CCNY: variants seen among roughly 807,000 people sequenced by gnomAD.
CCNY encodes the protein cyclin-Y.
CCNY carries 19 observed loss-of-function variants against 42.8 expected under a neutral mutation model. The ratio of observed to expected loss-of-function variants is 0.44; its 90% CI spans 0.31 to 0.65. CCNY has a LOEUF of 0.65. Among genes scored for constraint, CCNY ranks in the 30% least tolerant of loss-of-function variants. The pLI is 0.07. For synonymous variants in CCNY, 165 were observed against 162.7 expected, an observed-to-expected ratio of 1.01 and a Z score of -0.11; for missense variants, 370 against 437.3, an observed-to-expected ratio of 0.85 and a Z score of 1.37.
intron 1 of CCNY, among the ~76,000 whole-genome samples, chr10:35,374,559 A>G (rs1359294166): frequency 6.6e-6 from 1 of 152,128 alleles, no homozygotes; most frequent in African/African-American, 2.4e-5. Context: ...CAACCAATAT[A>G]TTGTATGGAG....
chr10:35,495,856 T>C (rs1391592827), intron 2 of CCNY, among the ~76,000 whole-genome samples: 4 of 152,224 alleles, frequency 2.6e-5, no homozygotes, highest in African/African-American at 9.6e-5. Context: ...TCCATGTGCA[T>C]TCTGAACAGG....
intron 7 of CCNY, among the ~76,000 whole-genome samples, chr10:35,548,622 G>T (rs1163376118): frequency 6.6e-6 from 1 of 152,094 alleles, no homozygotes; most frequent in Non-Finnish European, 1.5e-5. Flanking sequence ...CATTCATTAA[G>T]TGGAAGTGGA....
At chr10:35,480,509 C>T (rs1839644033) in intron 1 of CCNY, among the ~76,000 whole-genome samples, 2 of 152,204 alleles carry the variant, frequency 1.3e-5, no homozygotes, top group African/African-American at 2.4e-5. Context: ...TGGACACTGC[C>T]GAGGGGAGAC....
At chr10:35,304,265 A>G (rs1281052629) in intron 3 of CCNY, among the ~76,000 whole-genome samples, 1 of 151,904 alleles carries the variant, frequency 6.6e-6, no homozygotes, top group East Asian at 1.9e-4. Context: ...AGCCGTTGTA[A>G]GATCTTGAAA....
At chr10:35,509,893 C>G (rs1023424005) in intron 3 of CCNY, among the ~76,000 whole-genome samples, 1 of 152,154 alleles carries the variant, frequency 6.6e-6, no homozygotes, top group African/African-American at 2.4e-5. Flanking sequence ...AATGAGTGGC[C>G]TTTATGGTTT....
intron 1 of CCNY, among the ~76,000 whole-genome samples, chr10:35,476,674 G>A (rs1374678666): frequency 3.3e-5 from 5 of 150,152 alleles, no homozygotes; most frequent in Non-Finnish European, 5.9e-5. Context: ...ATGCCCACAA[G>A]AGAAAGCAGG....
chr10:35,261,705 T>TA (rs1285634933), intron 3 of CCNY, among the ~76,000 whole-genome samples: 3 of 151,894 alleles, frequency 2.0e-5, no homozygotes, highest in Admixed American at 6.6e-5. Context: ...ACCCAATCTC[T>TA]AAAAAAATTT....
At chr10:35,527,465 C>T (rs1457003642) in intron 5 of CCNY, among the ~76,000 whole-genome samples, 1 of 152,190 alleles carries the variant, frequency 6.6e-6, no homozygotes, top group East Asian at 1.9e-4. Context: ...GAAGCACCTA[C>T]TCTGACTGCT....
At chr10:35,289,280 G>A (rs1292957584) in intron 3 of CCNY, 2 of 152,204 alleles carry the variant, frequency 1.3e-5, no homozygotes, top group East Asian at 3.9e-4. Flanking sequence ...GATTAACAAT[G>A]TACATTTTTT....
At chr10:35,537,027 G>A (rs113867764) in intron 7 of CCNY, among the ~76,000 whole-genome samples, 4,781 of 152,230 alleles carry the variant, frequency 0.031, 235 homozygotes, top group African/African-American at 0.11. Flanking sequence ...TAGGAGAAAA[G>A]CGTTTTGTAG....
chr10:35,458,102 GA>G (rs1282575979), intron 1 of CCNY, among the ~76,000 whole-genome samples: 2 of 152,214 alleles, frequency 1.3e-5, no homozygotes, highest in East Asian at 1.9e-4. Flanking sequence ...CTGAAAGGGG[GA>G]AAAAGTGGTG....
At chr10:35,338,407 A>G (rs749506927) in intron 1 of CCNY, among the ~76,000 whole-genome samples, 2 of 152,252 alleles carry the variant, frequency 1.3e-5, no homozygotes, top group East Asian at 1.9e-4. Flanking sequence ...GTACGCGCTT[A>G]GTAAATTATG....
At chr10:35,367,635 A>G (rs550446570) in intron 1 of CCNY, among the ~76,000 whole-genome samples, 4 of 152,342 alleles carry the variant, frequency 2.6e-5, no homozygotes, top group African/African-American at 9.6e-5. Context: ...GGCTTCCGCC[A>G]TAGAAGTCAC....
In CCNY at chr10:35,302,397, G is replaced by A. The variant is rs182655373; in HGVS notation, c.-9+51771G>A. Among the ~76,000 whole-genome samples the A allele has an allele frequency of 2.0e-3, 299 of 148,260 alleles. 1 individual carries two copies. Among genetic ancestry groups the A allele is most frequent in the Admixed American group, 4.1e-3 (60 of 14,626 alleles). On this transcript the variant is annotated intron_variant, in intron 3 of 11. Coordinates refer to the CCNY transcript ENST00000374706. ...GCGATCTCGGCTCACTGCAACCTCC[G>A]TCTCCTGGGTTCAAGTGATTCTCCT...
intron 1 of CCNY, among the ~76,000 whole-genome samples, chr10:35,451,618 G>A (rs1838918162): frequency 6.6e-6 from 1 of 152,210 alleles, no homozygotes; most frequent in African/African-American, 2.4e-5. Context: ...GACAGAGCTG[G>A]TTAGGCTCAA....
upstream of CCNY, among the ~76,000 whole-genome samples, chr10:35,335,346 A>G (rs1361241986): frequency 6.6e-6 from 1 of 152,184 alleles, no homozygotes; most frequent in African/African-American, 2.4e-5. Context: ...AGCAAAGCAA[A>G]GCAAGGGCAG....
At chr10:35,560,582 A>C (rs1841446628) in intron 8 of CCNY, among the ~76,000 whole-genome samples, 1 of 152,100 alleles carries the variant, frequency 6.6e-6, no homozygotes, top group African/African-American at 2.4e-5. Flanking sequence ...GTGGGGAAAA[A>C]ATTCCCGTTG....
chr10:35,416,977 A>C (rs1171641517), intron 1 of CCNY, among the ~76,000 whole-genome samples: 1 of 152,220 alleles, frequency 6.6e-6, no homozygotes, highest in African/African-American at 2.4e-5. Flanking sequence ...AAACAGTGAA[A>C]GTGTATTTCT....
intron 1 of CCNY, among the ~76,000 whole-genome samples, chr10:35,474,585 T>A (rs1296130408): frequency 1.3e-5 from 2 of 152,030 alleles, no homozygotes; most frequent in Non-Finnish European, 2.9e-5. Flanking sequence ...CAGCTGAGGG[T>A]CCTGTCTGTT....
Sources: allele counts gnomAD v4.1 joint callset (sites outside exome capture counted in the v4.1 genomes callset), GRCh38; gene constraint gnomAD v4.1.1; transcripts MANE v1.5; gene names NCBI Gene and HGNC (gene_info 2026-07-23, HGNC 2026-07-21).